CFAP20DC: variants seen among roughly 807,000 people sequenced by gnomAD.
CFAP20DC encodes the protein protein CFAP20DC.
CFAP20DC carries 84 observed loss-of-function variants against 101.7 expected under a neutral mutation model. The observed-to-expected ratio is 0.83, with a 90% CI of 0.69 to 0.99. CFAP20DC has a LOEUF of 0.99. Among genes scored for constraint, CFAP20DC ranks in the 50% least tolerant of loss-of-function variants. CFAP20DC has a pLI of 0.00. For synonymous variants in CFAP20DC, 359 were observed against 351.2 expected, an observed-to-expected ratio of 1.02 and a Z score of -0.25; for missense variants, 1,007 against 970.3, an observed-to-expected ratio of 1.04 and a Z score of -0.50.
At chr3:58,822,235 T>C (rs1466579729) in intron 14 of CFAP20DC, among the ~76,000 whole-genome samples, 2 of 150,650 alleles carry the variant, frequency 1.3e-5, no homozygotes, top group Admixed American at 6.7e-5. Context: ...GCATGGCACA[T>C]GTATACATAT....
In CFAP20DC at chr3:58,937,799, A is replaced by T. The variant is rs773140937; in HGVS notation, c.279-37T>A. The T allele has an allele frequency of 8.0e-6, 9 of 1,122,414 alleles. No individual in the cohort carries two copies. In the East Asian group the frequency reaches 2.1e-4, roughly 27 times the overall value. The allele number at this position is 1,122,414 out of a possible 1,614,324, so 69.5% of individuals were successfully genotyped here. A position where few individuals can be genotyped will look rare whatever the true frequency, so the allele number is the denominator to read the frequency against. ...GAGGAGAGAAGACAGAAAGATTCCC[A>T]TCAATTTAATAACCACTTCTTTGGA... On this transcript the variant is annotated intron_variant, in intron 4 of 16. Transcript: ENST00000482387.
At chr3:58,783,253 A>T (rs1007559639) in intron 15 of CFAP20DC, among the ~76,000 whole-genome samples, 1 of 152,000 alleles carries the variant, frequency 6.6e-6, no homozygotes, top group African/African-American at 2.4e-5. Context: ...CTAGATGCCT[A>T]CTTCTCATCA....
rs1022275334 is a variant in CFAP20DC, at chr3:59,001,949, T to C, written c.278+37608A>G. ...ATTCCAAAACAGAGACATTCTAAAT[T>C]GAAAAAGTGAACTATTAAACAAAAA... On this transcript the variant is annotated intron_variant, in intron 4 of 16. Transcript: ENST00000482387. The surrounding 1 kb of genome is among the most constrained non-coding windows in gnomAD (Gnocchi z 4.5). 6.6e-6 allele frequency among the ~76,000 whole-genome samples: 1 copy of C among 152,154 alleles called. No individual in the cohort carries two copies. Among genetic ancestry groups the C allele is most frequent in the African/African-American group, 2.4e-5 (1 of 41,436 alleles).
chr3:59,022,654 C>T (rs1047853192), intron 4 of CFAP20DC, among the ~76,000 whole-genome samples: 4 of 151,960 alleles, frequency 2.6e-5, no homozygotes, highest in South Asian at 2.1e-4. Flanking sequence ...TGCAACCAAC[C>T]ACCTACTATA....
intron 15 of CFAP20DC, among the ~76,000 whole-genome samples, chr3:58,784,572 G>A (rs763581573): frequency 4.4e-4 from 67 of 151,970 alleles, no homozygotes; most frequent in Non-Finnish European, 7.4e-4. Context: ...CACTGTTCAT[G>A]GACACCTAGG....
At chr3:58,777,715 AAAGT>A (rs2071459717) in intron 15 of CFAP20DC, among the ~76,000 whole-genome samples, 1 of 152,134 alleles carries the variant, frequency 6.6e-6, no homozygotes, top group Non-Finnish European at 1.5e-5. Context: ...ATGTGGGGAA[AAAGT>A]AAGTGGGAGG....
chr3:58,953,514 C>G (rs1483376058), intron 4 of CFAP20DC: 4 of 152,166 alleles, frequency 2.6e-5, no homozygotes, highest in Non-Finnish European at 2.9e-5. Context: ...ATGCTACTGT[C>G]TTTGCAAAAA....
At chr3:58,890,328 C>A (rs1288654792) in intron 6 of CFAP20DC, among the ~76,000 whole-genome samples, 1 of 145,498 alleles carries the variant, frequency 6.9e-6, no homozygotes, top group African/African-American at 2.5e-5. Context: ...CCACCTCCCT[C>A]CCGGACGGGG....
rs1372891167 is a variant in CFAP20DC, at chr3:58,795,183, G to T, written c.2237+11212C>A. ...GGGAAGCTGAATCTTTTAATTAAAA[G>T]CTGAAACTATAAAACATTAGAATGG... On this transcript the variant is annotated intron_variant, in intron 15 of 16. Transcript: ENST00000482387. The surrounding 1 kb of genome is among the most constrained non-coding windows in gnomAD (Gnocchi z 4.2). Among the ~76,000 whole-genome samples, 1 of 152,116 alleles carries T rather than the reference G, an allele frequency of 6.6e-6. No homozygotes were observed. Among genetic ancestry groups the T allele is most frequent in the African/African-American group, 2.4e-5 (1 of 41,414 alleles).
intron 4 of CFAP20DC, among the ~76,000 whole-genome samples, chr3:59,019,545 T>G (rs2093760368): frequency 6.6e-6 from 1 of 151,946 alleles, no homozygotes; most frequent in Non-Finnish European, 1.5e-5. Context: ...GCTCCTATCG[T>G]TGGCCTGCAA....
chr3:58,828,972 G>GA, intron 14 of CFAP20DC, among the ~76,000 whole-genome samples: 1 of 152,274 alleles, frequency 6.6e-6, no homozygotes, highest in East Asian at 1.9e-4. Flanking sequence ...CGGGAGAAAT[G>GA]AAGATGCCTT....
At chr3:58,947,499 G>A (rs899664829) in intron 4 of CFAP20DC, among the ~76,000 whole-genome samples, 2 of 152,122 alleles carry the variant, frequency 1.3e-5, no homozygotes, top group African/African-American at 2.4e-5. Flanking sequence ...GGTATTGCTC[G>A]GAGAACTTAC....
At chr3:58,988,374 C>T (rs989623206) in intron 4 of CFAP20DC, among the ~76,000 whole-genome samples, 2 of 152,102 alleles carry the variant, frequency 1.3e-5, no homozygotes, top group East Asian at 1.9e-4. Flanking sequence ...TCCCAAATTT[C>T]GGAAACTTAA....
intron 5 of CFAP20DC, among the ~76,000 whole-genome samples, chr3:58,933,725 G>A (rs1457359550): frequency 6.6e-6 from 1 of 151,670 alleles, no homozygotes; most frequent in Admixed American, 6.6e-5. Flanking sequence ...TGAAACCAAT[G>A]AGAACAAAGA....
At chr3:59,048,490 G>C (rs1236680201) in intron 1 of CFAP20DC, among the ~76,000 whole-genome samples, 3 of 152,152 alleles carry the variant, frequency 2.0e-5, no homozygotes, top group African/African-American at 7.2e-5. Context: ...CATACTCGGT[G>C]AGACGGCAAA....
intron 5 of CFAP20DC, among the ~76,000 whole-genome samples, chr3:58,931,979 T>C (rs1441463226): frequency 6.6e-6 from 1 of 152,192 alleles, no homozygotes; most frequent in African/African-American, 2.4e-5. Flanking sequence ...TACTCCGAGC[T>C]ACAGGAGGAA....
chr3:58,957,208 T>C lies in CFAP20DC; in HGVS notation c.279-19446A>G, dbSNP rs1576479417. On this transcript the variant is annotated intron_variant, in intron 4 of 16. Coordinates refer to ENST00000482387, the MANE Select transcript of CFAP20DC (RefSeq NM_001394063.1). ...AATGGGTAAAAGATTTGAACAAACATTTCTCAAAAGAAGATCTACAAATAG... is the reference window on the plus strand; with the variant it reads ...AATGGGTAAAAGATTTGAACAAACACTTCTCAAAAGAAGATCTACAAATAG... 2.0e-5 allele frequency among the ~76,000 whole-genome samples: 3 copies of C among 152,202 alleles called. No homozygotes were observed. The South Asian group carries it at 6.2e-4, about 32-fold the overall frequency.
At chr3:58,752,529 G>T (rs1360677856) in intron 16 of CFAP20DC, among the ~76,000 whole-genome samples, 13 of 152,070 alleles carry the variant, frequency 8.5e-5, no homozygotes. Context: ...GGGTGCCTTT[G>T]CTCAAGGACC....
At chr3:58,903,812 C>T (rs2083364500) in intron 6 of CFAP20DC, among the ~76,000 whole-genome samples, 1 of 152,120 alleles carries the variant, frequency 6.6e-6, no homozygotes, top group Admixed American at 6.6e-5. Context: ...GGGACACAGC[C>T]AAACCATATC....
Sources: gnomAD v4.1 joint callset for allele counts (sites outside exome capture counted in the v4.1 genomes callset) on GRCh38, gnomAD v4.1.1 for gene constraint, Gnocchi (gnomAD v3.1) non-coding constraint, MANE v1.5 for transcripts, NCBI Gene and HGNC (gene_info 2026-07-23, HGNC 2026-07-21) for gene names.